Variants in MCTP1 observed in about 807,000 individuals in gnomAD.
MCTP1 encodes the protein multiple C2 and transmembrane domain-containing protein 1.
MCTP1 carries 69 observed loss-of-function variants against 120.6 expected under a neutral mutation model. That is an observed-to-expected ratio of 0.57 (90% CI 0.47 to 0.70). The LOEUF is 0.70. MCTP1 is among the 30% of genes least tolerant of loss of function. The pLI, the probability that MCTP1 is intolerant of heterozygous loss-of-function variation, is 0.00. For missense variants in MCTP1, 1,203 were observed against 1,248.8 expected (o/e 0.96, Z 0.55); for synonymous variants, 529 against 493.1 (o/e 1.07, Z -0.96).
intron 10 of MCTP1, among the ~76,000 whole-genome samples, chr5:94,901,643 T>A (rs1805576018): frequency 6.6e-6 from 1 of 152,108 alleles, no homozygotes; most frequent in Non-Finnish European, 1.5e-5. Flanking sequence ...ACATTTGAAC[T>A]ATTTAATCAT....
intron 2 of MCTP1, among the ~76,000 whole-genome samples, chr5:95,004,390 C>T (rs144476928): frequency 2.0e-5 from 3 of 152,156 alleles, no homozygotes; most frequent in South Asian, 2.1e-4. Flanking sequence ...AATTCAAGCC[C>T]GCTGTAGAAA....
At chr5:94,902,675 A>G (rs1224551650) in intron 10 of MCTP1, among the ~76,000 whole-genome samples, 1 of 152,192 alleles carries the variant, frequency 6.6e-6, no homozygotes, top group Non-Finnish European at 1.5e-5. Flanking sequence ...TTGCATTAAA[A>G]AGATTCAATA....
chr5:95,058,464 A>T (rs1748012537), intron 1 of MCTP1, among the ~76,000 whole-genome samples: 1 of 152,220 alleles, frequency 6.6e-6, no homozygotes, highest in South Asian at 2.1e-4. Context: ...CACACACCTT[A>T]CGACCTTTGG....
Position 94,894,671 on chromosome 5 carries a change from C to T in MCTP1, c.1817G>A (p.Arg606Gln), listed in dbSNP as rs141689023. The T allele has an allele frequency of 9.9e-6, 16 of 1,610,128 alleles. No homozygotes were observed. In the African/African-American group the frequency reaches 1.3e-4, roughly 13 times the overall value. ...TACATATCTCTTTAATATCTCCTCT[C>T]GTTCCTTCTGGTCCTCCAGGGAGTT... ...SVNSLEDQKE[R>Q]EEILKRYSPL... The change falls in exon 11 of 23, where the codon CGA becomes CAA. Residue 606 changes from arginine to glutamine, a missense_variant. By Grantham distance (43) the Arg-to-Gln change is conservative. This residue lies in a region of MCTP1 where 740 missense variants were observed against 871.1 expected (regional missense o/e 0.85). Transcript: ENST00000515393.
chr5:94,767,065 A>T (rs376070291), intron 19 of MCTP1, among the ~76,000 whole-genome samples: 2 of 152,202 alleles, frequency 1.3e-5, no homozygotes, highest in East Asian at 1.9e-4. Context: ...TCAAAAAGAT[A>T]ATACACCATG....
intron 1 of MCTP1, among the ~76,000 whole-genome samples, chr5:95,056,272 C>T (rs2152055568): frequency 6.6e-6 from 1 of 152,292 alleles, no homozygotes; most frequent in Non-Finnish European, 1.5e-5. Context: ...ATACATCTTT[C>T]ACAATTCTCC....
At chr5:95,147,081 T>TTTTA (rs1041814318) in intron 1 of MCTP1, among the ~76,000 whole-genome samples, 5 of 151,878 alleles carry the variant, frequency 3.3e-5, no homozygotes, top group Non-Finnish European at 7.4e-5. Context: ...ATTTATTTTA[T>TTTTA]TTTATTTATT....
intron 1 of MCTP1, among the ~76,000 whole-genome samples, chr5:95,144,605 G>A (rs1251683595): frequency 6.6e-6 from 1 of 152,122 alleles, no homozygotes; most frequent in Non-Finnish European, 1.5e-5. Flanking sequence ...TATGAGTCTA[G>A]TTTCATCCTT....
At chr5:95,051,450 A>T (rs1745874110) in intron 1 of MCTP1, among the ~76,000 whole-genome samples, 5 of 152,246 alleles carry the variant, frequency 3.3e-5, no homozygotes, top group Admixed American at 2.0e-4. Context: ...GATTCTGTCT[A>T]CCTGCTGAGA....
chr5:95,000,929 T>C (rs1004824421), intron 2 of MCTP1, among the ~76,000 whole-genome samples: 5 of 152,228 alleles, frequency 3.3e-5, no homozygotes, highest in African/African-American at 7.2e-5. Flanking sequence ...GTTTGGCTTT[T>C]TGTGTCCACT....
At chr5:94,846,762 C>CTGTGTGTGTCTCTGGTA (rs888543006) in intron 17 of MCTP1, among the ~76,000 whole-genome samples, 6 of 151,898 alleles carry the variant, frequency 4.0e-5, no homozygotes, top group Admixed American at 1.3e-4. Context: ...ACTGCATTCT[C>CTGTGTGTGTCTCTGGTA]TGTGTGTGTC....
intron 8 of MCTP1, among the ~76,000 whole-genome samples, chr5:94,916,725 C>A (rs753353894): frequency 1.1e-4 from 17 of 152,176 alleles, no homozygotes; most frequent in African/African-American, 2.4e-4. Context: ...GGTCCACAGA[C>A]CAGTGGCATT....
intron 22 of MCTP1, 50 bp from the exon 23 acceptor site, chr5:94,707,617 C>T (rs1333619195): frequency 7.3e-7 from 1 of 1,375,800 alleles, no homozygotes; most frequent in Non-Finnish European, 1.0e-6. Context: ...CACTTTCTGG[C>T]AAAGAAAGGA....
intron 19 of MCTP1, among the ~76,000 whole-genome samples, chr5:94,736,082 A>T (rs1376156413): frequency 6.6e-6 from 1 of 152,222 alleles, no homozygotes; most frequent in African/African-American, 2.4e-5. Flanking sequence ...TTTATCTCTA[A>T]AAGATGATTA....
intron 1 of MCTP1, among the ~76,000 whole-genome samples, chr5:95,197,509 C>T (rs10044143): frequency 0.17 from 25,280 of 151,930 alleles, 2,475 homozygotes; most frequent in Non-Finnish European, 0.22. Flanking sequence ...GTTTAGCCTA[C>T]GAATTGACAA....
chr5:94,856,077 C>T (rs564498238), intron 17 of MCTP1, among the ~76,000 whole-genome samples: 84 of 151,798 alleles, frequency 5.5e-4, no homozygotes, highest in Middle Eastern at 3.4e-3. Flanking sequence ...TAGCCTTATG[C>T]TGTTAATCGT....
At chr5:95,200,872 CTTATACATAT>C (rs1750933035) in intron 1 of MCTP1, among the ~76,000 whole-genome samples, 4 of 152,234 alleles carry the variant, frequency 2.6e-5, no homozygotes, top group Non-Finnish European at 5.9e-5. Context: ...CATTCCACAA[CTTATACATAT>C]TTCAAAACAT....
Position 94,771,144 on chromosome 5 carries a change from G to A in MCTP1, c.2610+7966C>T, listed in dbSNP as rs538523055. 1.1e-4 allele frequency among the ~76,000 whole-genome samples: 16 copies of A among 152,174 alleles called. No homozygotes were observed. The South Asian group carries it at 1.5e-3, about 14-fold the overall frequency. On this transcript the variant is annotated intron_variant, in intron 19 of 22. Transcript: ENST00000515393. ...ATTTGTATTTATCTCAGGTGTTTGA[G>A]GAAACAGGCATTAAGTTCAAGAGAA... is the stretch of plus-strand genomic sequence containing the variant.
chr5:95,035,043 T>C (rs1307655935), intron 1 of MCTP1, among the ~76,000 whole-genome samples: 1 of 152,078 alleles, frequency 6.6e-6, no homozygotes, highest in Non-Finnish European at 1.5e-5. Flanking sequence ...CCAGTCAGAA[T>C]GACTATTATT....
Sources: gnomAD v4.1 joint callset for allele counts (sites outside exome capture counted in the v4.1 genomes callset) on GRCh38, gnomAD v4.1.1 for gene constraint, gnomAD v4.1.1 regional missense constraint, MANE v1.5 for transcripts, NCBI Gene and HGNC (gene_info 2026-07-23, HGNC 2026-07-21) for gene names.